The following TRAPPC9 variants were observed in gnomAD, a reference collection of about 807,000 sequenced individuals.
TRAPPC9 encodes the protein IKK2 binding protein.
In TRAPPC9, 83 loss-of-function variants were observed where a neutral mutation model predicts 124.0. That is an observed-to-expected ratio of 0.67 (90% CI 0.56 to 0.80). The LOEUF (loss-of-function observed/expected upper bound fraction) is 0.80, where lower values mean the gene tolerates loss of function less well. Among genes scored for constraint, TRAPPC9 ranks in the 30% least tolerant of loss-of-function variants. The pLI, the probability that TRAPPC9 is intolerant of heterozygous loss-of-function variation, is 0.00. For synonymous variants in TRAPPC9, 638 were observed against 617.5 expected (o/e 1.03, Z -0.49); for missense variants, 1,302 against 1,508.3 (o/e 0.86, Z 2.27).
rs74525966 is a variant in TRAPPC9, at chr8:140,058,361, T to C, written c.2557-34282A>G. ...AAACCCACTGGCGAAATTTCCTCCA[T>C]TGATTGGTCTTTCTCTGCATGAGAA... On this transcript the variant is annotated intron_variant, in intron 17 of 22. Transcript: ENST00000438773. Among the ~76,000 whole-genome samples, 834 of 152,306 alleles carry C rather than the reference T, an allele frequency of 5.5e-3. 14 individuals carry two copies. The highest frequency in any genetic ancestry group is 0.019 in the African/African-American group (798 of 41,558).
intron 17 of TRAPPC9, among the ~76,000 whole-genome samples, chr8:140,068,990 A>T (rs902250004): frequency 2.6e-5 from 4 of 152,194 alleles, no homozygotes; most frequent in African/African-American, 9.7e-5. Flanking sequence ...CGACAAACTC[A>T]CTTTCTGAAA....
chr8:139,830,228 ATACACATGCACACACACAC>A (rs1303007507), intron 21 of TRAPPC9, among the ~76,000 whole-genome samples: 1 of 152,064 alleles, frequency 6.6e-6, no homozygotes, highest in East Asian at 1.9e-4. Context: ...ACAAATGAGC[ATACACATGCACACACACAC>A]TACACATGCA....
rs533663297 is a variant in TRAPPC9 at position 140,000,041 on chromosome 8, C to A, written c.2700-11205G>T. Among the ~76,000 whole-genome samples the A allele has an allele frequency of 5.9e-5, 9 of 152,140 alleles. No homozygotes were observed. The East Asian group carries it at 1.7e-3, about 29-fold the overall frequency. ...ACTGGTACCAAAACAGATATATAGA[C>A]CAATGGAACAGAACAGAGGCCTCAG... On this transcript the variant is annotated intron_variant, in intron 18 of 22. Coordinates refer to ENST00000438773, the MANE Select transcript of TRAPPC9 (RefSeq NM_001160372.4).
intron 10 of TRAPPC9, among the ~76,000 whole-genome samples, chr8:140,303,949 A>G (rs1425507122): frequency 1.3e-5 from 2 of 152,226 alleles, no homozygotes; most frequent in Non-Finnish European, 2.9e-5. Flanking sequence ...ACGATTCTAT[A>G]TAGCAGGTCT....
chr8:140,422,582 C>T (rs752621888), intron 5 of TRAPPC9, among the ~76,000 whole-genome samples: 20 of 151,874 alleles, frequency 1.3e-4, no homozygotes, highest in Non-Finnish European at 2.8e-4. Context: ...GGTGAAACCT[C>T]ATCTCTACTA....
At chr8:139,783,739 T>C (rs1166561932) in intron 21 of TRAPPC9, among the ~76,000 whole-genome samples, 1 of 152,194 alleles carries the variant, frequency 6.6e-6, no homozygotes, top group Non-Finnish European at 1.5e-5. Context: ...GATTAAAACA[T>C]TCTTACAAGG....
rs372039291 is a variant in TRAPPC9, at chr8:139,731,190, G to A, written c.3318C>T (p.Leu1106=). The change falls in exon 23 of 23, where the codon CTC becomes CTT. Residue 1106 remains leucine (L), a synonymous_variant. Transcript: ENST00000438773. ...PSGQSACLGA[L]LFLYTGDFFL... is the part of the protein sequence containing the mutation. Reference sequence around the variant, plus strand: ...AGAAGTCTCCCGTGTAGAGGAAGAGGAGGGCCCCGAGGCAGGCCGACTGGC... The same window carrying A: ...AGAAGTCTCCCGTGTAGAGGAAGAGAAGGGCCCCGAGGCAGGCCGACTGGC... 8 of 1,613,688 alleles carry A rather than the reference G, an allele frequency of 5.0e-6. No homozygotes were observed. In the African/African-American group the frequency reaches 9.3e-5, roughly 19 times the overall value.
Position 140,284,011 on chromosome 8 carries a change from G to A in TRAPPC9, c.1992C>T (p.Thr664=). Residue 664 remains threonine, a synonymous_variant, in exon 14 of 23, where the codon ACC becomes ACT. Coordinates refer to ENST00000438773, the MANE Select transcript of TRAPPC9 (RefSeq NM_001160372.4). ...AGTCACTGAACACACCGAAGACCGT[G>A]GTATGGTAACCTGGAATAGAAAAGG... is the stretch of plus-strand genomic sequence containing the variant. ...TGTITVNGYH[T]TVFGVFSDCL... is the part of the protein sequence containing the mutation. The A allele has an allele frequency of 6.2e-7, 1 of 1,614,090 alleles. No individual in the cohort carries two copies. Among genetic ancestry groups the A allele is most frequent in the African/African-American group, 1.3e-5 (1 of 75,022 alleles).
At chr8:140,218,239 G>T (rs1341294921) in intron 17 of TRAPPC9, among the ~76,000 whole-genome samples, 2 of 152,054 alleles carry the variant, frequency 1.3e-5, no homozygotes, top group Non-Finnish European at 2.9e-5. Context: ...TTCCAAATCA[G>T]CATTTTTCAT....
intron 12 of TRAPPC9, among the ~76,000 whole-genome samples, chr8:140,290,005 G>A (rs968752360): frequency 1.3e-5 from 2 of 152,194 alleles, no homozygotes; most frequent in Non-Finnish European, 2.9e-5. Flanking sequence ...AACTCAGCCT[G>A]TACTCACAGC....
At chr8:140,373,609 G>A (rs760258133) in intron 7 of TRAPPC9, among the ~76,000 whole-genome samples, 8 of 151,592 alleles carry the variant, frequency 5.3e-5, no homozygotes, top group Non-Finnish European at 5.9e-5. Context: ...TGCCGACGCC[G>A]ACGATGTGTG....
intron 17 of TRAPPC9, among the ~76,000 whole-genome samples, chr8:140,204,981 C>T (rs1015187605): frequency 2.6e-5 from 4 of 152,084 alleles, no homozygotes; most frequent in Non-Finnish European, 4.4e-5. Context: ...CAGAAGGTTA[C>T]GCTGGAGGAG....
intron 17 of TRAPPC9, among the ~76,000 whole-genome samples, chr8:140,128,988 C>CACATATATAT (rs753782700): frequency 7.4e-6 from 1 of 134,838 alleles, no homozygotes; most frequent in Non-Finnish European, 1.6e-5. Context: ...TATATATATA[C>CACATATATAT]ATATATATAT....
At chr8:140,197,772 G>A (rs1040584618) in intron 17 of TRAPPC9, among the ~76,000 whole-genome samples, 5 of 152,134 alleles carry the variant, frequency 3.3e-5, no homozygotes, top group Admixed American at 6.5e-5. Context: ...AGAAAACAAC[G>A]CGAGATTTGT....
At chr8:140,219,543 C>A (rs1330846185) in intron 17 of TRAPPC9, among the ~76,000 whole-genome samples, 1 of 152,196 alleles carries the variant, frequency 6.6e-6, no homozygotes, top group Admixed American at 6.5e-5. Flanking sequence ...CCCCTCACCA[C>A]AACCAATGAC....
At position 139,971,748 on chromosome 8, in the gene TRAPPC9, T is replaced by TACAC. The variant is rs6150859; in HGVS notation, c.2810+16974_2810+16977dup. Among the ~76,000 whole-genome samples the TACAC allele has an allele frequency of 1.9e-3, 276 of 146,056 alleles. 5 individuals are homozygous for TACAC. Among genetic ancestry groups the TACAC allele is most frequent in the African/African-American group, 6.3e-3 (242 of 38,528 alleles). ...ACACACACACACACACATATATATA[T>TACAC]ACACACACACACACACATATATATA... On this transcript the variant is annotated intron_variant, in intron 19 of 22. Coordinates refer to ENST00000438773, the MANE Select transcript of TRAPPC9 (RefSeq NM_001160372.4).
intron 17 of TRAPPC9, among the ~76,000 whole-genome samples, chr8:140,076,660 A>T (rs1843528119): frequency 6.6e-6 from 1 of 152,166 alleles, no homozygotes; most frequent in Admixed American, 6.5e-5. Flanking sequence ...TCTGAATACG[A>T]TCACGAAGAT....
chr8:140,354,100 G>C (rs2067668074), intron 9 of TRAPPC9, among the ~76,000 whole-genome samples: 1 of 152,230 alleles, frequency 6.6e-6, no homozygotes, highest in Admixed American at 6.5e-5. Flanking sequence ...ATTTAGTACG[G>C]CCAAATACAG....
At chr8:139,758,714 G>A (rs78731284) in intron 21 of TRAPPC9, among the ~76,000 whole-genome samples, 1,905 of 152,356 alleles carry the variant, frequency 0.013, 32 homozygotes, top group African/African-American at 0.043. Context: ...GGCGGTTGGG[G>A]CAGGCTGAGG....
Sources: allele counts gnomAD v4.1 joint callset (sites outside exome capture counted in the v4.1 genomes callset), GRCh38; gene constraint gnomAD v4.1.1; transcripts MANE v1.5; gene names NCBI Gene and HGNC (gene_info 2026-07-23, HGNC 2026-07-21).